The following RBFOX1 variants were observed in gnomAD, a reference collection of about 807,000 sequenced individuals.
RBFOX1 encodes the protein RNA binding protein fox-1 homolog 1.
RBFOX1 carries 8 observed loss-of-function variants against 57.7 expected under a neutral mutation model. The ratio of observed to expected loss-of-function variants is 0.14; its 90% CI spans 0.08 to 0.25. The LOEUF (loss-of-function observed/expected upper bound fraction) is 0.25. Ranked by LOEUF, RBFOX1 falls within the 10% of genes least tolerant of loss-of-function variation. The pLI is 1.00. For synonymous variants in RBFOX1, 326 were observed against 222.4 expected (o/e 1.47, Z -4.15); for missense variants, 611 against 548.5 (o/e 1.11, Z -1.14).
At chr16:5,292,412 T>G (rs1201427702) in intron 1 of RBFOX1, among the ~76,000 whole-genome samples, 4 of 152,190 alleles carry the variant, frequency 2.6e-5, no homozygotes, top group Admixed American at 1.3e-4. Context: ...TTTTTTTCAG[T>G]TTTAATGTTG....
At chr16:5,245,966 G>A (rs1002137102) in intron 1 of RBFOX1, among the ~76,000 whole-genome samples, 5 of 152,044 alleles carry the variant, frequency 3.3e-5, no homozygotes, top group Non-Finnish European at 2.9e-5. Context: ...TATTCTGGCC[G>A]GGCCCAGTGG....
intron 2 of RBFOX1, among the ~76,000 whole-genome samples, chr16:6,402,907 C>T (rs189659035): frequency 2.0e-4 from 31 of 152,294 alleles, no homozygotes; most frequent in Admixed American, 1.8e-3. Flanking sequence ...GAAATATAAA[C>T]ACTAATCAAA....
At chr16:6,300,713 T>C (rs2078715474) in intron 1 of RBFOX1, among the ~76,000 whole-genome samples, 1 of 152,192 alleles carries the variant, frequency 6.6e-6, no homozygotes, top group Non-Finnish European at 1.5e-5. Context: ...CTTGTAGCCC[T>C]ACTCTTTCAT....
At chr16:7,304,797 G>C (rs1451534876) in intron 4 of RBFOX1, among the ~76,000 whole-genome samples, 1 of 152,230 alleles carries the variant, frequency 6.6e-6, no homozygotes, top group Admixed American at 6.5e-5. Flanking sequence ...GGTGATCTGA[G>C]TCTAAGACCC....
At chr16:7,563,423 A>G (rs912172952) in intron 5 of RBFOX1, among the ~76,000 whole-genome samples, 3 of 152,216 alleles carry the variant, frequency 2.0e-5, no homozygotes, top group Non-Finnish European at 4.4e-5. Context: ...TTCGAAGTCT[A>G]TAAATGTGTC....
At chr16:6,125,402 G>A (rs557731230) in intron 1 of RBFOX1, among the ~76,000 whole-genome samples, 1 of 152,298 alleles carries the variant, frequency 6.6e-6, no homozygotes, top group East Asian at 1.9e-4. Context: ...TGTTTGCCAG[G>A]GCCAGGAGAG....
chr16:5,698,607 A>G (rs12596616), intron 3 of RBFOX1, among the ~76,000 whole-genome samples: 34,670 of 152,112 alleles, frequency 0.23, 5,115 homozygotes, highest in East Asian at 0.66. Context: ...TATACATTCA[A>G]AAGATTTAAA....
In RBFOX1 at chr16:5,673,926, C is replaced by T. The variant is rs72765139; in HGVS notation, c.318+74965C>T. The stretch of plus-strand genomic sequence containing the variant: ...TCTGCATCAAGGCTGGTTACAAAAC[C>T]GAAAGGGGGAATGAGGAAGCCCCAT... On this transcript the variant is annotated intron_variant, in intron 3 of 19. Coordinates refer to the RBFOX1 transcript ENST00000641259. Among the ~76,000 whole-genome samples, 1,491 of 152,246 alleles carry T rather than the reference C, an allele frequency of 9.8e-3. 14 individuals carry two copies. Among genetic ancestry groups the T allele is most frequent in the South Asian group, 0.021 (103 of 4,824 alleles).
chr16:6,126,492 A>T (rs2152657594), intron 1 of RBFOX1, among the ~76,000 whole-genome samples: 1 of 152,320 alleles, frequency 6.6e-6, no homozygotes, highest in East Asian at 1.9e-4. Flanking sequence ...AATCAGACAA[A>T]GATAGTTATG....
At chr16:6,587,417 G>C (rs925925681) in intron 2 of RBFOX1, among the ~76,000 whole-genome samples, 2 of 152,098 alleles carry the variant, frequency 1.3e-5, no homozygotes, top group Non-Finnish European at 2.9e-5. Context: ...GAGTAGCTGG[G>C]ATTACAGGTG....
chr16:7,179,652 C>T (rs2082314817), intron 4 of RBFOX1, among the ~76,000 whole-genome samples: 1 of 152,012 alleles, frequency 6.6e-6, no homozygotes, highest in African/African-American at 2.4e-5. Flanking sequence ...ATTCCAACAG[C>T]AACACAATGA....
intron 4 of RBFOX1, among the ~76,000 whole-genome samples, chr16:7,448,925 C>CTTTTTTTTTT (rs1491185704): frequency 3.8e-4 from 11 of 28,738 alleles, no homozygotes; most frequent in Non-Finnish European, 4.4e-4. Context: ...TTTCTTTCCC[C>CTTTTTTTTTT]TGTTTTTTTT....
At chr16:5,667,873 T>C (rs557592803) in intron 3 of RBFOX1, among the ~76,000 whole-genome samples, 25 of 152,328 alleles carry the variant, frequency 1.6e-4, no homozygotes, top group Non-Finnish European at 3.5e-4. Flanking sequence ...GATGAGCTTA[T>C]TGATGCAGCG....
chr16:6,399,987 C>G (rs776223019), intron 2 of RBFOX1, among the ~76,000 whole-genome samples: 1 of 152,138 alleles, frequency 6.6e-6, no homozygotes, highest in African/African-American at 2.4e-5. Context: ...ATTCAATGAC[C>G]TCCTGTCAGG....
At chr16:6,474,088 T>A (rs977047813) in intron 2 of RBFOX1, among the ~76,000 whole-genome samples, 6 of 152,142 alleles carry the variant, frequency 3.9e-5, no homozygotes, top group African/African-American at 1.4e-4. Flanking sequence ...CAGATTTCTC[T>A]TTTTCTATAT....
At chr16:7,525,136 C>T (rs190023554) in intron 5 of RBFOX1, among the ~76,000 whole-genome samples, 2 of 152,134 alleles carry the variant, frequency 1.3e-5, no homozygotes, top group African/African-American at 4.8e-5. Context: ...CTCCCTCTAT[C>T]TCTATCATCT....
rs553759487 is a variant in RBFOX1 at position 7,057,411 on chromosome 16, A to G, written c.27+5313A>G. 2.6e-5 allele frequency among the ~76,000 whole-genome samples: 4 copies of G among 152,304 alleles called. No homozygotes were observed. The South Asian group carries it at 8.3e-4, about 32-fold the overall frequency. On this transcript the variant is annotated intron_variant, in intron 4 of 15. Coordinates refer to ENST00000550418, the MANE Select transcript of RBFOX1 (RefSeq NM_018723.4). The stretch of plus-strand genomic sequence containing the variant: ...TCATCTCCTGTCTTTGTTTCTGTTT[A>G]TGGGTCCACTCTGGATTTTTCTTTT...
At chr16:7,271,256 C>G (rs1014408381) in intron 4 of RBFOX1, among the ~76,000 whole-genome samples, 1 of 151,956 alleles carries the variant, frequency 6.6e-6, no homozygotes, top group African/African-American at 2.4e-5. Context: ...AATGTTTGAT[C>G]TCTGTCCTTT....
At chr16:6,212,017 G>A (rs72481057) in intron 1 of RBFOX1, among the ~76,000 whole-genome samples, 15,524 of 151,808 alleles carry the variant, frequency 0.1, 1,000 homozygotes, top group South Asian at 0.26. Context: ...GCCTGGCTAA[G>A]TTTTTGTATT....
Sources: allele counts gnomAD v4.1 joint callset (sites outside exome capture counted in the v4.1 genomes callset), GRCh38; gene constraint gnomAD v4.1.1; transcripts MANE v1.5; gene names NCBI Gene and HGNC (gene_info 2026-07-23, HGNC 2026-07-21).